PLEKHA5: variants seen among roughly 807,000 people sequenced by gnomAD.
The protein encoded by PLEKHA5 is pleckstrin homology domain containing A5, also known as pleckstrin homology domain-containing family A member 5.
PLEKHA5 carries 55 observed loss-of-function variants against 181.9 expected under a neutral mutation model. That is an observed-to-expected ratio of 0.30 (90% CI 0.24 to 0.38). The LOEUF is 0.38. PLEKHA5 is among the 10% of genes least tolerant of loss of function. PLEKHA5 has a pLI of 1.00. For missense variants in PLEKHA5, 1,432 were observed against 1,549.5 expected, an observed-to-expected ratio of 0.92 and a Z score of 1.27; for synonymous variants, 535 against 529.4, an observed-to-expected ratio of 1.01 and a Z score of -0.15.
chr12:19,356,694 T>C (rs1565658190), intron 26 of PLEKHA5, among the ~76,000 whole-genome samples: 1 of 114,764 alleles, frequency 8.7e-6, no homozygotes, highest in East Asian at 2.7e-4. Context: ...TGAGACAGAG[T>C]CTCTCCCTGT....
At chr12:19,150,441 T>TA (rs2040107510) in intron 3 of PLEKHA5, 2 of 152,246 alleles carry the variant, frequency 1.3e-5, no homozygotes, top group Admixed American at 1.3e-4. Flanking sequence ...GCTGTCATGT[T>TA]ACCCTGTTTT....
At chr12:19,316,300 G>GT (rs886327229) in intron 16 of PLEKHA5, among the ~76,000 whole-genome samples, 11 of 151,146 alleles carry the variant, frequency 7.3e-5, no homozygotes, top group South Asian at 2.1e-4. Flanking sequence ...GTTTGGTTGG[G>GT]TTTTTTTTTA....
rs1021036503 is a variant in PLEKHA5 at position 19,324,605 on chromosome 12, A to G, written c.2448+1938A>G. On this transcript the variant is annotated intron_variant, in intron 20 of 31. Transcript: ENST00000429027. ...CATAAAGAAAATATAAGCACCTGAA[A>G]TACTGTCTACAAGGAAGTAGTACTG... is the stretch of plus-strand genomic sequence containing the variant. Among the ~76,000 whole-genome samples, 103 of 152,330 alleles carry G rather than the reference A, an allele frequency of 6.8e-4. 1 individual carries two copies. Among genetic ancestry groups the G allele is most frequent in the African/African-American group, 2.2e-3 (93 of 41,576 alleles).
At chr12:19,264,942 T>C (rs1447297537) in intron 7 of PLEKHA5, among the ~76,000 whole-genome samples, 1 of 152,206 alleles carries the variant, frequency 6.6e-6, no homozygotes. Context: ...TAAACATCTC[T>C]GCCCCCAAGC....
intron 20 of PLEKHA5, among the ~76,000 whole-genome samples, chr12:19,334,700 A>G (rs1262530856): frequency 1.3e-5 from 2 of 149,852 alleles, no homozygotes; most frequent in African/African-American, 4.9e-5. Flanking sequence ...GAATTTGCTG[A>G]CTAGATGTGG....
At chr12:19,359,197 G>T (rs1175617151) in intron 27 of PLEKHA5, among the ~76,000 whole-genome samples, 1 of 152,126 alleles carries the variant, frequency 6.6e-6, no homozygotes, top group Non-Finnish European at 1.5e-5. Context: ...GGCACATTCT[G>T]CAAATTACAA....
chr12:19,174,233 G>A (rs1283706550), intron 3 of PLEKHA5, among the ~76,000 whole-genome samples: 1 of 152,216 alleles, frequency 6.6e-6, no homozygotes, highest in South Asian at 2.1e-4. Flanking sequence ...GAGCTTTTAA[G>A]AGCAGTGGGC....
chr12:19,354,143 C>CTTTTTGTTTTTT (rs2094771921), intron 26 of PLEKHA5, 141 bp downstream of exon 26: 1 of 73,892 alleles, frequency 1.4e-5, no homozygotes, highest in Non-Finnish European at 2.3e-5. Flanking sequence ...ATTCTTTATT[C>CTTTTTGTTTTTT]TTTTTTTTTT....
chr12:19,265,367 T>C (rs955895443), intron 7 of PLEKHA5, among the ~76,000 whole-genome samples: 6 of 152,084 alleles, frequency 3.9e-5, no homozygotes. Flanking sequence ...TAAAATACAG[T>C]AGTCAAGGAA....
intron 3 of PLEKHA5, among the ~76,000 whole-genome samples, chr12:19,135,473 A>G (rs1171345681): frequency 6.6e-6 from 1 of 152,142 alleles, no homozygotes; most frequent in African/African-American, 2.4e-5. Flanking sequence ...AGGAACTCAC[A>G]ATGCCAAGCA....
At position 19,257,539 on chromosome 12, in the gene PLEKHA5, T is replaced by G; in HGVS notation, c.537+2T>G. 1 of 1,468,276 alleles carries G rather than the reference T, an allele frequency of 6.8e-7. No individual in the cohort carries two copies. Among genetic ancestry groups the G allele is most frequent in the East Asian group, 2.3e-5 (1 of 43,850 alleles). 91.0% of individuals were successfully genotyped at this position (1,468,276 alleles called of 1,614,324 possible). A position where few individuals can be genotyped will look rare whatever the true frequency, so the allele number is the denominator to read the frequency against. On this transcript the variant is annotated splice_donor_variant, in intron 6 of 31. Coordinates refer to ENST00000429027, the MANE Select transcript of PLEKHA5 (RefSeq NM_001256470.2). LOFTEE classifies it high-confidence loss of function. ...AGACGAGGTTGGCTTTATAAACAGGTATTTTTTTTTTTTTGATATGAAACA... is the reference window on the plus strand; with the variant it reads ...AGACGAGGTTGGCTTTATAAACAGGGATTTTTTTTTTTTTGATATGAAACA...
chr12:19,322,569 G>T lies in PLEKHA5; in HGVS notation c.2350G>T (p.Ala784Ser). The stretch of plus-strand genomic sequence containing the variant: ...AGCCAGCCAAGAGATAGAAATGCAT[G>T]CAGATAACCCAGCAGCCATTCAGAC... ...LSASQEIEMH[A>S]DNPAAIQTVV... Residue 784 changes from alanine to serine, a missense_variant, in exon 20 of 32, where the codon GCA (alanine) becomes TCA (serine). Physicochemically the swap from Ala to Ser is moderately conservative, Grantham distance 99 (BLOSUM62 1). Transcript: ENST00000429027. 1 of 1,613,834 alleles carries T rather than the reference G, an allele frequency of 6.2e-7. No homozygotes were observed. Among genetic ancestry groups the T allele is most frequent in the Non-Finnish European group, 8.5e-7 (1 of 1,179,736 alleles).
intron 3 of PLEKHA5, among the ~76,000 whole-genome samples, chr12:19,241,943 A>C (rs1336264975): frequency 6.6e-6 from 1 of 152,170 alleles, no homozygotes; most frequent in Non-Finnish European, 1.5e-5. Flanking sequence ...ACATTTTAAG[A>C]ATCATATTTC....
intron 21 of PLEKHA5, among the ~76,000 whole-genome samples, chr12:19,341,380 C>T (rs2093913261): frequency 1.3e-5 from 2 of 152,044 alleles, no homozygotes. Flanking sequence ...TTCAGATTGG[C>T]AAAAATGTGT....
chr12:19,291,533 T>G, intron 14 of PLEKHA5, 111 bp from the exon 15 acceptor site: 1 of 627,482 alleles, frequency 1.6e-6, no homozygotes, highest in Non-Finnish European at 2.8e-6. Flanking sequence ...TCGTGTACTG[T>G]GATATAATAG....
chr12:19,329,985 G>C (rs1463505226), intron 20 of PLEKHA5, among the ~76,000 whole-genome samples: 1 of 151,844 alleles, frequency 6.6e-6, no homozygotes, highest in African/African-American at 2.4e-5. Flanking sequence ...AACTACTCAG[G>C]AGGCTGAGGC....
chr12:19,302,237 G>T (rs1402613574), intron 15 of PLEKHA5, among the ~76,000 whole-genome samples: 1 of 152,124 alleles, frequency 6.6e-6, no homozygotes, highest in East Asian at 1.9e-4. Context: ...GCAAGAGATG[G>T]GTCTTCTTCT....
intron 3 of PLEKHA5, among the ~76,000 whole-genome samples, chr12:19,190,320 T>G (rs146560534): frequency 2.0e-5 from 3 of 152,378 alleles, no homozygotes; most frequent in African/African-American, 7.2e-5. Context: ...AATTATCAGT[T>G]GGATAAATAT....
chr12:19,159,648 C>T (rs977502904), intron 3 of PLEKHA5, among the ~76,000 whole-genome samples: 1 of 152,042 alleles, frequency 6.6e-6, no homozygotes, highest in Non-Finnish European at 1.5e-5. Flanking sequence ...ACATTTTAAA[C>T]TTTTAAATGT....
Sources: allele counts gnomAD v4.1 joint callset (sites outside exome capture counted in the v4.1 genomes callset), GRCh38; gene constraint gnomAD v4.1.1; transcripts MANE v1.5; gene names NCBI Gene and HGNC (gene_info 2026-07-23, HGNC 2026-07-21).